ANK3: variants seen among roughly 807,000 people sequenced by gnomAD.
The protein encoded by ANK3 is ankyrin-3.
ANK3 carries 57 observed loss-of-function variants against 370.9 expected under a neutral mutation model. The observed-to-expected ratio is 0.15, with a 90% confidence interval of 0.12 to 0.19. The LOEUF (loss-of-function observed/expected upper bound fraction) is 0.19. Ranked by LOEUF, ANK3 falls within the 10% of genes least tolerant of loss-of-function variation. The pLI is 1.00. For missense variants in ANK3, 4,439 were observed against 5,302.1 expected (o/e 0.84, Z 5.06); for synonymous variants, 1,929 against 1,946.3 (o/e 0.99, Z 0.23).
At position 60,518,525 on chromosome 10, in the gene ANK3, A is replaced by G. The variant is rs537780812; in HGVS notation, c.96+96661T>C. ...CTCTACCTCAGAACTCCTGAATCAG[A>G]ATCTCTAAGAGCCCTGAGAATCTAT... is the stretch of plus-strand genomic sequence containing the variant. On this transcript the variant is annotated intron_variant, in intron 2 of 43. Coordinates refer to the ANK3 transcript ENST00000373827. Among the ~76,000 whole-genome samples the G allele has an allele frequency of 4.6e-5, 7 of 152,164 alleles. No homozygotes were observed. The East Asian group carries it at 7.8e-4, about 17-fold the overall frequency.
chr10:60,507,598 G>T (rs894598148), intron 2 of ANK3: 5 of 151,846 alleles, frequency 3.3e-5, no homozygotes, highest in African/African-American at 1.2e-4. Context: ...AAACCATCAA[G>T]AATTTATATT....
At chr10:60,563,240 CTA>C (rs2077380752) in intron 2 of ANK3, among the ~76,000 whole-genome samples, 1 of 152,114 alleles carries the variant, frequency 6.6e-6, no homozygotes, top group South Asian at 2.1e-4. Flanking sequence ...AATATTTTTC[CTA>C]CCAAACTGAA....
rs2076445557 is a variant in ANK3, at chr10:60,043,404, ATT to A, written c.13066-647_13066-646del. 4.1e-6 allele frequency: 4 copies of A among 983,220 alleles called. No individual in the cohort carries two copies. The South Asian group carries it at 1.4e-4, about 35-fold the overall frequency. 60.9% of individuals were successfully genotyped at this position (983,220 alleles called of 1,614,324 possible). ...TCAGTTTACTTTTTCTAATGTAAAC[ATT>A]GTCTATTGAAGTTTCTATTTTTAAA... On this transcript the variant is annotated intron_variant, in intron 42 of 43. Coordinates refer to ENST00000280772, the MANE Select transcript of ANK3 (RefSeq NM_020987.5).
At chr10:60,146,021 C>G in intron 23 of ANK3, 2 of 1,348,958 alleles carry the variant, frequency 1.5e-6, no homozygotes. Context: ...GCATCTATTA[C>G]CTATTCAAAA....
At chr10:60,041,353 A>G (rs553978358) in intron 43 of ANK3, among the ~76,000 whole-genome samples, 7 of 152,316 alleles carry the variant, frequency 4.6e-5, no homozygotes, top group Non-Finnish European at 8.8e-5. Flanking sequence ...CTCAAACATC[A>G]TATTCTCAAG....
intron 2 of ANK3, among the ~76,000 whole-genome samples, chr10:60,525,671 C>T (rs1275490596): frequency 6.6e-6 from 1 of 152,062 alleles, no homozygotes; most frequent in Non-Finnish European, 1.5e-5. Flanking sequence ...TAAAAGGATT[C>T]CTGTCCCTTT....
chr10:60,435,276 T>A (rs977497420), intron 2 of ANK3, among the ~76,000 whole-genome samples: 5 of 152,236 alleles, frequency 3.3e-5, no homozygotes, highest in Admixed American at 1.3e-4. Flanking sequence ...TTCCTACTAA[T>A]TTGATGTAAA....
intron 1 of ANK3, among the ~76,000 whole-genome samples, chr10:60,652,063 A>G (rs1209236451): frequency 1.3e-5 from 2 of 152,284 alleles, no homozygotes; most frequent in South Asian, 4.1e-4. Flanking sequence ...GAGTTCAAAG[A>G]CTATACTAAT....
chr10:60,079,158 C>CACCTAGCT (rs1333417881), intron 36 of ANK3, among the ~76,000 whole-genome samples: 1 of 134,380 alleles, frequency 7.4e-6, no homozygotes, highest in African/African-American at 2.8e-5. Context: ...TACTGGAAAC[C>CACCTAGCT]ACCTAGCTAC....
At chr10:60,124,512 C>A (rs2132147359) in intron 25 of ANK3, among the ~76,000 whole-genome samples, 1 of 152,198 alleles carries the variant, frequency 6.6e-6, no homozygotes, top group South Asian at 2.1e-4. Context: ...TAATTTATTT[C>A]TTATATTTCT....
intron 8 of ANK3, among the ~76,000 whole-genome samples, chr10:60,218,097 C>CTTTTTTTTT (rs199989242): frequency 1.5e-4 from 19 of 126,138 alleles, no homozygotes; most frequent in African/African-American, 3.5e-4. Flanking sequence ...CTTTTTCTTT[C>CTTTTTTTTT]TTTTTTTTTT....
At chr10:60,424,340 A>G (rs1334978378) in intron 2 of ANK3, among the ~76,000 whole-genome samples, 1 of 152,084 alleles carries the variant, frequency 6.6e-6, no homozygotes, top group Non-Finnish European at 1.5e-5. Flanking sequence ...AATCTAGAAA[A>G]CTAATTTTAG....
intron 23 of ANK3, chr10:60,140,557 C>T: frequency 7.2e-7 from 1 of 1,388,750 alleles, no homozygotes; most frequent in Non-Finnish European, 9.3e-7. Flanking sequence ...ATACATCTTT[C>T]CCCACTCAGA....
At chr10:60,380,020 T>G (rs1189259177) in intron 1 of ANK3, among the ~76,000 whole-genome samples, 1 of 152,098 alleles carries the variant, frequency 6.6e-6, no homozygotes, top group African/African-American at 2.4e-5. Context: ...CCAAATCAGC[T>G]GACACAAAGT....
In ANK3 at chr10:60,074,768, G is replaced by A. The variant is rs1183056596; in HGVS notation, c.6113C>T (p.Thr2038Ile). 2 of 1,614,056 alleles carry A rather than the reference G, an allele frequency of 1.2e-6. No homozygotes were observed. The highest frequency in any genetic ancestry group is 3.3e-5 in the Admixed American group (2 of 60,008). The change falls in exon 37 of 44, where the codon ACA becomes ATA. Residue 2038 changes from threonine to isoleucine, a missense_variant. Coordinates refer to ENST00000280772, the MANE Select transcript of ANK3 (RefSeq NM_020987.5). ...YNLTKVIDYL[T>I]NDIGSSSLTN... ...CAGTGAACTACTCCCAATATCATTT[G>A]TTAGGTAATCAATAACTTTGGTCAA... is the stretch of plus-strand genomic sequence containing the variant.
chr10:60,663,008 G>A (rs1382478137), intron 1 of ANK3, among the ~76,000 whole-genome samples: 15 of 152,134 alleles, frequency 9.9e-5, no homozygotes. Context: ...AACTACTTGA[G>A]GAAATGAGTC....
At position 60,342,738 on chromosome 10, in the gene ANK3, T is replaced by A. The variant is rs1374163549; in HGVS notation, c.114+46687A>T. Among the ~76,000 whole-genome samples, 6 of 152,082 alleles carry A rather than the reference T, an allele frequency of 3.9e-5. No individual in the cohort carries two copies. In the East Asian group the frequency reaches 1.2e-3, roughly 29 times the overall value. On this transcript the variant is annotated intron_variant, in intron 1 of 43. Transcript: ENST00000280772. ...ATGTAGAATCTAGGCAGAAATGAGGTCATCTGGATCTGGAATCGAGAGATC... is the reference window on the plus strand; with the variant it reads ...ATGTAGAATCTAGGCAGAAATGAGGACATCTGGATCTGGAATCGAGAGATC...
intron 2 of ANK3, among the ~76,000 whole-genome samples, chr10:60,514,142 A>G (rs1938535): frequency 0.73 from 111,104 of 152,110 alleles, 40,604 homozygotes; most frequent in South Asian, 0.88. Flanking sequence ...TATATAAAAC[A>G]TATGCAAAAT....
At chr10:60,112,056 T>G (rs1339537061) in intron 26 of ANK3, among the ~76,000 whole-genome samples, 1 of 152,236 alleles carries the variant, frequency 6.6e-6, no homozygotes, top group Non-Finnish European at 1.5e-5. Context: ...CACATGTCTA[T>G]TGTCTCTCTT....
Sources: allele counts gnomAD v4.1 joint callset (sites outside exome capture counted in the v4.1 genomes callset), GRCh38; gene constraint gnomAD v4.1.1; transcripts MANE v1.5; gene names NCBI Gene and HGNC (gene_info 2026-07-23, HGNC 2026-07-21).